Variants in LMCD1 observed in about 807,000 individuals in gnomAD.
LMCD1 encodes the protein LIM and cysteine rich domains 1.
LMCD1 carries 32 observed loss-of-function variants against 42.7 expected under a neutral mutation model. The ratio of observed to expected loss-of-function variants is 0.75; its 90% CI spans 0.57 to 1.01. The LOEUF (loss-of-function observed/expected upper bound fraction) is 1.01, where lower values mean the gene tolerates loss of function less well. Ranked by LOEUF, LMCD1 falls within the 50% of genes least tolerant of loss-of-function variation. LMCD1 has a pLI of 0.00. For missense variants in LMCD1, 458 were observed against 483.1 expected, an observed-to-expected ratio of 0.95 and a Z score of 0.49; for synonymous variants, 178 against 184.9, an observed-to-expected ratio of 0.96 and a Z score of 0.30.
At chr3:8,514,234 A>G (rs555355579) in intron 1 of LMCD1, among the ~76,000 whole-genome samples, 11 of 152,232 alleles carry the variant, frequency 7.2e-5, no homozygotes, top group Non-Finnish European at 1.5e-4. Context: ...GTCACAAAAG[A>G]AGATATCTAA....
intron 2 of LMCD1, among the ~76,000 whole-genome samples, chr3:8,534,094 C>T (rs1694464971): frequency 1.3e-5 from 2 of 151,982 alleles, no homozygotes; most frequent in Admixed American, 1.3e-4. Context: ...ATCATTTCAA[C>T]CCCACTGGTC....
chr3:8,550,789 C>T, intron 4 of LMCD1: 1 of 985,268 alleles, frequency 1.0e-6, no homozygotes, highest in Non-Finnish European at 1.2e-6. Flanking sequence ...TGTTCATAAA[C>T]CCTAAATACT....
At position 8,531,075 on chromosome 3, in the gene LMCD1, A is replaced by G. The variant is rs189042591; in HGVS notation, c.43-1662A>G. Reference sequence around the variant, plus strand: ...TTATTGTGAGAAGATTTGGTGCTGAAGAGAAGTATTGTGAAGGACAGCTGT... The same window carrying G: ...TTATTGTGAGAAGATTTGGTGCTGAGGAGAAGTATTGTGAAGGACAGCTGT... On this transcript the variant is annotated intron_variant, in intron 1 of 5. Transcript: ENST00000157600. 5.0e-4 allele frequency among the ~76,000 whole-genome samples: 76 copies of G among 152,350 alleles called. 1 individual carries two copies. The highest frequency in any genetic ancestry group is 4.8e-3 in the Admixed American group (73 of 15,302).
chr3:8,532,215 A>G (rs1050975014), intron 1 of LMCD1, among the ~76,000 whole-genome samples: 2 of 152,228 alleles, frequency 1.3e-5, no homozygotes, highest in Non-Finnish European at 2.9e-5. Flanking sequence ...TTAAGTGCTC[A>G]TGTGATTTTT....
intron 4 of LMCD1, chr3:8,551,026 C>G (rs918492538): frequency 3.0e-6 from 3 of 985,210 alleles, no homozygotes; most frequent in Admixed American, 6.1e-5. Flanking sequence ...CAATACTAGA[C>G]AGTAAATGGA....
intron 3 of LMCD1, among the ~76,000 whole-genome samples, chr3:8,546,909 G>T (rs1694747096): frequency 6.6e-6 from 1 of 152,208 alleles, no homozygotes; most frequent in Admixed American, 6.5e-5. Context: ...CTACCGTCTA[G>T]CAAATGATAC....
At position 8,541,498 on chromosome 3, in the gene LMCD1, G is replaced by A. The variant is rs781250612; in HGVS notation, c.387+4058G>A. ...CGGGAGGCAGAGGTTGCAGTGAGCC[G>A]AGATTGTGCCACTGCACTCCAGCCT... On this transcript the variant is annotated intron_variant, in intron 3 of 5. Coordinates refer to ENST00000157600, the MANE Select transcript of LMCD1 (RefSeq NM_014583.4). Among the ~76,000 whole-genome samples, 149 of 152,254 alleles carry A rather than the reference G, an allele frequency of 9.8e-4. 1 individual carries two copies. Among genetic ancestry groups the A allele is most frequent in the Non-Finnish European group, 2.9e-4 (20 of 68,032 alleles).
intron 1 of LMCD1, among the ~76,000 whole-genome samples, chr3:8,525,428 G>A (rs141476800): frequency 2.5e-4 from 38 of 152,182 alleles, no homozygotes; most frequent in African/African-American, 5.5e-4. Context: ...GTGTGTGTAC[G>A]TGGGTGTATG....
chr3:8,521,727 G>C (rs1694208673), intron 1 of LMCD1, among the ~76,000 whole-genome samples: 1 of 152,198 alleles, frequency 6.6e-6, no homozygotes, highest in Non-Finnish European at 1.5e-5. Flanking sequence ...TCCTATCTTG[G>C]CTAGCAGAGC....
At position 8,548,820 on chromosome 3, in the gene LMCD1, C is replaced by A. The variant is rs1216529010; in HGVS notation, c.640C>A (p.Gln214Lys). The stretch of plus-strand genomic sequence containing the variant: ...TGGCTTGCCCAAGGAGGAGGGGAAG[C>A]AGCAGGAAAAGCCAGAGGGGGCAGA... ...QGGLPKEEGK[Q>K]QEKPEGAETT... Residue 214 changes from glutamine to lysine, a missense_variant, in exon 4 of 6, where the codon CAG becomes AAG. Physicochemically the swap from Gln to Lys is moderately conservative, Grantham distance 53 (BLOSUM62 1). Coordinates refer to ENST00000157600, the MANE Select transcript of LMCD1 (RefSeq NM_014583.4). 6.2e-7 allele frequency: 1 copy of A among 1,603,930 alleles called. No homozygotes were observed. Among genetic ancestry groups the A allele is most frequent in the South Asian group, 1.1e-5 (1 of 90,228 alleles).
At chr3:8,543,440 T>TAGATAGATAGATAGATAGATAGACAGAC (rs1414608408) in intron 3 of LMCD1, among the ~76,000 whole-genome samples, 1 of 134,154 alleles carries the variant, frequency 7.5e-6, no homozygotes, top group African/African-American at 2.8e-5. Context: ...GATAGATAGA[T>TAGATAGATAGATAGATAGATAGACAGAC]AGACAGACAG....
intron 1 of LMCD1, among the ~76,000 whole-genome samples, chr3:8,502,817 G>T (rs1566389): frequency 0.083 from 12,558 of 152,146 alleles, 1,463 homozygotes; most frequent in East Asian, 0.56. Context: ...GCTGGGAGAA[G>T]GCACAGGCTG....
chr3:8,507,163 C>T (rs888672379), intron 1 of LMCD1, among the ~76,000 whole-genome samples: 3 of 152,198 alleles, frequency 2.0e-5, no homozygotes, highest in African/African-American at 7.2e-5. Flanking sequence ...CTTAAATCCA[C>T]GTGGAACAAT....
intron 1 of LMCD1, chr3:8,514,972 G>C (rs1694071722): frequency 2.2e-6 from 1 of 456,752 alleles, no homozygotes. Flanking sequence ...GCGAATACTG[G>C]AGATTGGTGC....
chr3:8,509,586 G>T (rs1031318256), intron 1 of LMCD1, among the ~76,000 whole-genome samples: 1 of 152,204 alleles, frequency 6.6e-6, no homozygotes, highest in Non-Finnish European at 1.5e-5. Flanking sequence ...AAGTAAACTT[G>T]AGTCTGGTAG....
At chr3:8,546,274 T>TA (rs888132121) in intron 3 of LMCD1, among the ~76,000 whole-genome samples, 48 of 152,224 alleles carry the variant, frequency 3.2e-4, no homozygotes, top group Admixed American at 1.3e-3. Context: ...CTGATGAGCT[T>TA]AAAAAAAATC....
Position 8,523,071 on chromosome 3 carries a change from A to G in LMCD1, c.43-9666A>G, listed in dbSNP as rs536122373. The stretch of plus-strand genomic sequence containing the variant: ...TCTGCCATCAGCACATTATCCACCA[A>G]TTGTGTTCTCATTCTGTTGCTTTAA... On this transcript the variant is annotated intron_variant, in intron 1 of 5. Transcript: ENST00000157600. 5.3e-5 allele frequency among the ~76,000 whole-genome samples: 8 copies of G among 152,306 alleles called. No homozygotes were observed. The East Asian group carries it at 1.5e-3, about 29-fold the overall frequency.
intron 5 of LMCD1, among the ~76,000 whole-genome samples, chr3:8,566,262 G>A (rs1318708295): frequency 1.3e-5 from 2 of 152,164 alleles, no homozygotes; most frequent in Non-Finnish European, 2.9e-5. Context: ...CTGGTTTGAT[G>A]AAAGTAACTC....
intron 3 of LMCD1, among the ~76,000 whole-genome samples, chr3:8,543,525 C>A (rs925840914): frequency 3.3e-5 from 5 of 152,150 alleles, no homozygotes; most frequent in Non-Finnish European, 7.4e-5. Flanking sequence ...ACATGCTGCC[C>A]AGGCTAGACT....
Sources: allele counts gnomAD v4.1 joint callset (sites outside exome capture counted in the v4.1 genomes callset), GRCh38; gene constraint gnomAD v4.1.1; transcripts MANE v1.5; gene names NCBI Gene and HGNC (gene_info 2026-07-23, HGNC 2026-07-21).